OR6N1: variants seen among roughly 807,000 people sequenced by gnomAD.
The protein encoded by OR6N1 is olfactory receptor family 6 subfamily N member 1.
For synonymous variants in OR6N1, 170 were observed against 150.7 expected (o/e 1.13, Z -0.94); for missense variants, 394 against 371.7 (o/e 1.06, Z -0.49).
Position 158,765,992 on chromosome 1 carries a change from C to A in OR6N1, c.691G>T (p.Ala231Ser), listed in dbSNP as rs1343084021. The change falls in exon 2 of 2, where the codon GCT becomes TCT. Residue 231 changes from alanine to serine, a missense_variant. Coordinates refer to ENST00000641846, the MANE Select transcript of OR6N1 (RefSeq NM_001005185.2). ...IICTVLRIPS[A>S]AGKRKAISTC... is the part of the protein sequence containing the mutation. Reference sequence around the variant, plus strand: ...GAGATGGCCTTCCTCTTGCCGGCAGCTGAGGGAATTCTGAGCACTGTGCAG... The same window carrying A: ...GAGATGGCCTTCCTCTTGCCGGCAGATGAGGGAATTCTGAGCACTGTGCAG... The A allele has an allele frequency of 2.7e-5, 44 of 1,614,028 alleles. No homozygotes were observed. The highest frequency in any genetic ancestry group is 3.5e-5 in the Non-Finnish European group (41 of 1,180,030).
the OR6N1 span, among the ~76,000 whole-genome samples, chr1:158,837,670 T>C: frequency 0.043 from 6,603 of 151,910 alleles, 395 homozygotes; most frequent in African/African-American, 0.14. Flanking sequence ...TATGTATATA[T>C]AATTTTAATA....
At chr1:158,814,341 T>C in the OR6N1 span, among the ~76,000 whole-genome samples, 1 of 152,214 alleles carries the variant, frequency 6.6e-6, no homozygotes, top group Non-Finnish European at 1.5e-5. Flanking sequence ...TACACATATA[T>C]ACATACAGTT....
At chr1:158,820,387 T>C in the OR6N1 span, among the ~76,000 whole-genome samples, 7 of 152,246 alleles carry the variant, frequency 4.6e-5, no homozygotes, top group African/African-American at 1.4e-4. Flanking sequence ...CCATAAATCA[T>C]CATTGTAAAT....
the OR6N1 span, among the ~76,000 whole-genome samples, chr1:158,787,761 AAT>A: frequency 6.6e-6 from 1 of 152,094 alleles, no homozygotes; most frequent in Non-Finnish European, 1.5e-5. Flanking sequence ...GATTCTTGAA[AAT>A]ATATCTCTCC....
At chr1:158,774,264 T>C (rs1042197942), upstream of OR6N1, 3 of 152,188 alleles carry the variant, frequency 2.0e-5, no homozygotes, top group Non-Finnish European at 4.4e-5. Context: ...TATGATAAAA[T>C]AGTGCGGATG....
At chr1:158,773,390 T>A (rs1028145088), upstream of OR6N1, among the ~76,000 whole-genome samples, 5 of 152,220 alleles carry the variant, frequency 3.3e-5, no homozygotes, top group African/African-American at 1.2e-4. Flanking sequence ...ACCCACTACC[T>A]TTTAAATTAA....
chr1:158,819,614 CG>C, the OR6N1 span, among the ~76,000 whole-genome samples: 1 of 151,996 alleles, frequency 6.6e-6, no homozygotes, highest in Non-Finnish European at 1.5e-5. Context: ...ATGTATACCA[CG>C]GGAGTTCCAA....
the OR6N1 span, among the ~76,000 whole-genome samples, chr1:158,794,959 A>G: frequency 2.0e-5 from 3 of 152,164 alleles, no homozygotes; most frequent in African/African-American, 7.2e-5. Context: ...CAAAGCTCCC[A>G]TGGAATTCCT....
chr1:158,766,779 T>C (rs973212764), intron 1 of OR6N1, 79 bp from the exon 2 acceptor site: 1 of 823,924 alleles, frequency 1.2e-6, no homozygotes, highest in African/African-American at 1.7e-5. Context: ...CAAATTACTA[T>C]TGCCCTCCCT....
chr1:158,818,649 A>G, the OR6N1 span, among the ~76,000 whole-genome samples: 98 of 152,192 alleles, frequency 6.4e-4, no homozygotes, highest in Non-Finnish European at 1.2e-3. Flanking sequence ...ACCTCTGCTC[A>G]GAGGCCCAAC....
the OR6N1 span, among the ~76,000 whole-genome samples, chr1:158,823,587 G>A: frequency 6.6e-6 from 1 of 151,422 alleles, no homozygotes; most frequent in African/African-American, 2.4e-5. Flanking sequence ...TGCTTATTTG[G>A]ATCGTCTCTC....
At chr1:158,832,217 T>C in the OR6N1 span, among the ~76,000 whole-genome samples, 1 of 152,070 alleles carries the variant, frequency 6.6e-6, no homozygotes, top group Non-Finnish European at 1.5e-5. Flanking sequence ...TTTCCTACTT[T>C]GGGATACATT....
chr1:158,803,075 G>A, the OR6N1 span, among the ~76,000 whole-genome samples: 1 of 152,214 alleles, frequency 6.6e-6, no homozygotes, highest in African/African-American at 2.4e-5. Flanking sequence ...TGGAAAGAAA[G>A]CAGTTGCTAT....
chr1:158,829,286 T>G, the OR6N1 span, among the ~76,000 whole-genome samples: 367 of 152,350 alleles, frequency 2.4e-3, 1 homozygote, highest in African/African-American at 8.4e-3. Context: ...TTTCCAAATT[T>G]TTATGCTCTG....
chr1:158,836,945 T>C, the OR6N1 span, among the ~76,000 whole-genome samples: 2 of 151,866 alleles, frequency 1.3e-5, no homozygotes, highest in African/African-American at 2.4e-5. Context: ...TAAATTTGAC[T>C]TGTGATTCTT....
the OR6N1 span, among the ~76,000 whole-genome samples, chr1:158,821,435 T>A: frequency 1.7e-4 from 26 of 152,174 alleles, no homozygotes; most frequent in African/African-American, 5.8e-4. Context: ...TATAGAGTAG[T>A]TTCGCTGCCC....
the OR6N1 span, among the ~76,000 whole-genome samples, chr1:158,799,635 G>A: frequency 6.6e-6 from 1 of 152,296 alleles, no homozygotes; most frequent in South Asian, 2.1e-4. Context: ...GATTTAATGA[G>A]AAAATAGACA....
the OR6N1 span, among the ~76,000 whole-genome samples, chr1:158,788,145 A>G: frequency 2.0e-4 from 31 of 152,358 alleles, no homozygotes; most frequent in African/African-American, 6.0e-4. Context: ...AAATGTTTAT[A>G]AATTTGTTGA....
At chr1:158,812,888 C>T in the OR6N1 span, among the ~76,000 whole-genome samples, 1 of 152,224 alleles carries the variant, frequency 6.6e-6, no homozygotes, top group African/African-American at 2.4e-5. Flanking sequence ...CTATTTCCCA[C>T]CCTCATACTA....
Sources: allele counts gnomAD v4.1 joint callset (sites outside exome capture counted in the v4.1 genomes callset), GRCh38; gene constraint gnomAD v4.1.1; transcripts MANE v1.5; gene names NCBI Gene and HGNC (gene_info 2026-07-23, HGNC 2026-07-21).